The following MACF1 variants were observed in gnomAD, a reference collection of about 807,000 sequenced individuals.
MACF1 encodes microtubule actin crosslinking factor 1, also known as microtubule-actin cross-linking factor 1.
MACF1 carries 193 observed loss-of-function variants against 854.8 expected under a neutral mutation model. The observed-to-expected ratio is 0.23, with a 90% CI of 0.20 to 0.25. MACF1 has a LOEUF of 0.25. Among genes scored for constraint, MACF1 ranks in the 10% least tolerant of loss-of-function variants. The pLI, the probability that MACF1 is intolerant of heterozygous loss-of-function variation, is 1.00. For missense variants in MACF1, 7,722 were observed against 8,929.1 expected (o/e 0.86, Z 5.45); for synonymous variants, 3,185 against 3,226.7 (o/e 0.99, Z 0.44).
At chr1:39,291,179 G>A (rs1170349629) in intron 15 of MACF1, among the ~76,000 whole-genome samples, 2 of 151,934 alleles carry the variant, frequency 1.3e-5, no homozygotes, top group African/African-American at 4.8e-5. Flanking sequence ...GTTTCACCAT[G>A]TTGGCCAGGC....
chr1:39,232,073 T>C lies in MACF1; in HGVS notation c.171+830T>C, dbSNP rs148618954. Among the ~76,000 whole-genome samples the C allele has an allele frequency of 5.2e-3, 775 of 149,026 alleles. 5 individuals are homozygous for C. The highest frequency in any genetic ancestry group is 0.018 in the African/African-American group (739 of 40,916). On this transcript the variant is annotated intron_variant, in intron 2 of 100. Coordinates refer to ENST00000564288, the MANE Select transcript of MACF1 (RefSeq NM_001394062.1). ...GAGGAGAAACCATAACAGAGGCATGTTAAGACTCACCTAAAGATAATAATA... is the reference window on the plus strand; with the variant it reads ...GAGGAGAAACCATAACAGAGGCATGCTAAGACTCACCTAAAGATAATAATA...
At chr1:39,458,595 G>T (rs558271228) in intron 90 of MACF1, 105 bp downstream of exon 90, 346 of 1,415,926 alleles carry the variant, frequency 2.4e-4, no homozygotes, top group Non-Finnish European at 3.0e-4. Flanking sequence ...TTCAAAAACC[G>T]TGTTGGTTTT....
At chr1:39,118,545 T>G (rs1229754478) in intron 2 of MACF1, among the ~76,000 whole-genome samples, 1 of 152,230 alleles carries the variant, frequency 6.6e-6, no homozygotes, top group Non-Finnish European at 1.5e-5. Context: ...TTCTTTACTT[T>G]CCCTGTGGGA....
intron 52 of MACF1, among the ~76,000 whole-genome samples, chr1:39,374,438 A>C (rs915843234): frequency 6.6e-6 from 1 of 152,210 alleles, no homozygotes; most frequent in Non-Finnish European, 1.5e-5. Context: ...GATATTTTGG[A>C]ACTATCCACA....
chr1:39,442,654 T>G, intron 77 of MACF1, 60 bp from the exon 78 acceptor site: 1 of 1,609,908 alleles, frequency 6.2e-7, no homozygotes, highest in Non-Finnish European at 8.5e-7. Flanking sequence ...GTGTATATCT[T>G]AAGAGAACCA....
Position 39,429,897 on chromosome 1 carries a change from T to C in MACF1, c.16959T>C (p.Thr5653=), listed in dbSNP as rs771942810. The C allele has an allele frequency of 6.2e-7, 1 of 1,614,168 alleles. No individual in the cohort carries two copies. Among genetic ancestry groups the C allele is most frequent in the South Asian group, 1.1e-5 (1 of 91,082 alleles). The part of the protein sequence containing the change: ...IKTRYADITV[T]SSKALRTLEQ... Reference sequence around the variant, plus strand: ...CTCGTTACGCAGACATCACAGTTACTAGCTCCAAGGCCCTCAGAACTTTAG... The same window carrying C: ...CTCGTTACGCAGACATCACAGTTACCAGCTCCAAGGCCCTCAGAACTTTAG... The change falls in exon 65 of 101, where the codon ACT becomes ACC. Residue 5653 remains threonine, a synonymous_variant. Coordinates refer to ENST00000564288, the MANE Select transcript of MACF1 (RefSeq NM_001394062.1).
At chr1:39,345,584 C>T (rs1315262458) in intron 40 of MACF1, among the ~76,000 whole-genome samples, 1 of 152,196 alleles carries the variant, frequency 6.6e-6, no homozygotes, top group Non-Finnish European at 1.5e-5. Flanking sequence ...GCACTCCAGC[C>T]TGGGTGACAG....
chr1:39,428,251 A>T lies in MACF1; in HGVS notation c.16767A>T (p.Lys5589Asn), dbSNP rs960919939. Residue 5589 changes from lysine (K) to asparagine (N), a missense_variant, in exon 63 of 101, where the codon AAA (lysine) becomes AAT (asparagine). By Grantham distance (94) the Lys-to-Asn change is moderately conservative. This residue lies in a region of MACF1 where 2,807 missense variants were observed against 3,235.8 expected (regional missense o/e 0.87). Coordinates refer to ENST00000564288, the MANE Select transcript of MACF1 (RefSeq NM_001394062.1). ...KLSSVFVKDF[K>N]QDVLHRQHAD... ...GTTCAGTGTTCGTAAAGGATTTCAA[A>T]CAGGATGTCCTGCACAGGCAGCATG... 6.2e-7 allele frequency: 1 copy of T among 1,613,336 alleles called. No individual in the cohort carries two copies. The highest frequency in any genetic ancestry group is 1.3e-5 in the African/African-American group (1 of 74,928).
Position 39,442,269 on chromosome 1 carries a change from A to G in MACF1, c.18897A>G (p.Thr6299=). ...TDRDIIREPL[T]ELKHLWENLG... ...GAGACATTATACGAGAACCACTGAC[A>G]GAACTCAAACACCTCTGGGAGAACC... The change falls in exon 76 of 101, where the codon ACA becomes ACG. Residue 6299 remains threonine, a synonymous_variant. Coordinates refer to ENST00000564288, the MANE Select transcript of MACF1 (RefSeq NM_001394062.1). 2 of 1,608,960 alleles carry G rather than the reference A, an allele frequency of 1.2e-6. No individual in the cohort carries two copies. Among genetic ancestry groups the G allele is most frequent in the Admixed American group, 1.7e-5 (1 of 58,364 alleles).
chr1:39,325,693 G>C (rs1646596853), intron 35 of MACF1, among the ~76,000 whole-genome samples: 1 of 152,164 alleles, frequency 6.6e-6, no homozygotes. Context: ...CCTTTTTTCT[G>C]AGGTGGAGAT....
intron 1 of MACF1, among the ~76,000 whole-genome samples, chr1:39,209,563 A>G (rs569740052): frequency 2.1e-4 from 32 of 152,300 alleles, no homozygotes; most frequent in African/African-American, 7.7e-4. Flanking sequence ...ACTAGGAGGA[A>G]CAGCCATAAT....
chr1:39,142,704 T>A (rs533247), intron 2 of MACF1, among the ~76,000 whole-genome samples: 15,417 of 152,224 alleles, frequency 0.1, 2,102 homozygotes, highest in African/African-American at 0.31. Context: ...TCATTAGCTA[T>A]CAGAGTGGAA....
chr1:39,333,823 T>C lies in MACF1; in HGVS notation c.7235T>C (p.Ile2412Thr), dbSNP rs774355141. 5.9e-5 allele frequency: 95 copies of C among 1,614,058 alleles called. 3 individuals carry two copies. The South Asian group carries it at 9.4e-4, about 16-fold the overall frequency. ...LERQVVTGGI[I>T]DLKRGKKVSV... Reference sequence around the variant, plus strand: ...AGGCAGGTGGTGACTGGTGGAATTATTGATCTGAAACGAGGCAAAAAAGTT... The same window carrying C: ...AGGCAGGTGGTGACTGGTGGAATTACTGATCTGAAACGAGGCAAAAAAGTT... Residue 2412 changes from isoleucine (I) to threonine (T), a missense_variant, in exon 37 of 101, where the codon ATT becomes ACT. Physicochemically the swap from Ile to Thr is moderately conservative, Grantham distance 89 (BLOSUM62 -1). Around this residue, in one of 15 missense-constraint regions of MACF1, gnomAD observed 1,531 missense variants for 1,601.6 expected, o/e 0.96. Coordinates refer to ENST00000564288, the MANE Select transcript of MACF1 (RefSeq NM_001394062.1).
intron 23 of MACF1, among the ~76,000 whole-genome samples, 180 bp from the exon 24 acceptor site, chr1:39,309,390 G>A (rs1377554229): frequency 1.3e-5 from 2 of 151,822 alleles, no homozygotes; most frequent in Admixed American, 6.6e-5. Context: ...GAGCTACCAC[G>A]CCCAGCCTCA....
chr1:39,315,788 A>T, intron 27 of MACF1, 97 bp downstream of exon 27: 1 of 1,229,830 alleles, frequency 8.1e-7, no homozygotes, highest in Non-Finnish European at 1.1e-6. Context: ...CAGAGAGATT[A>T]TAGATCCTGA....
rs114556513 is a variant in MACF1 at position 39,427,551 on chromosome 1, T to G, written c.16413T>G (p.Leu5471=). 981 of 1,614,070 alleles carry G rather than the reference T, an allele frequency of 6.1e-4. 3 individuals carry two copies. In the African/African-American group the frequency reaches 0.012, roughly 19 times the overall value. ...TCTTATCTGTCACAGAGAAAAAGCT[T>G]GCTAACTCAGAACCTGTTGGCACTC... is the stretch of plus-strand genomic sequence containing the variant. ...SDFLSVTEKK[L]ANSEPVGTQT... Residue 5471 remains leucine, a synonymous_variant, in exon 62 of 101, where the codon CTT becomes CTG. Transcript: ENST00000564288.
intron 70 of MACF1, chr1:39,436,103 C>G: frequency 2.5e-6 from 1 of 398,478 alleles, no homozygotes; most frequent in Non-Finnish European, 4.5e-6. Flanking sequence ...CTTATTGAAC[C>G]TGTTACTTTT....
At position 39,084,494 on chromosome 1, in the gene MACF1, A is replaced by C. The variant is rs1641615775; in HGVS notation, c.220+56A>C. 6.7e-7 allele frequency: 1 copy of C among 1,483,968 alleles called. No individual in the cohort carries two copies. 91.9% of individuals were successfully genotyped at this position (1,483,968 alleles called of 1,614,324 possible). A position where few individuals can be genotyped will look rare whatever the true frequency, so the allele number is the denominator to read the frequency against. Reference sequence around the variant, plus strand: ...TGTGGGTGTGAGGGAGGAATGGGCCAGGGCACAGCAGCTGTGTGGGGAGCC... The same window carrying C: ...TGTGGGTGTGAGGGAGGAATGGGCCCGGGCACAGCAGCTGTGTGGGGAGCC... On this transcript the variant is annotated intron_variant, in intron 2 of 93. Transcript: ENST00000361689. This position sits in a 1 kb window ranked among gnomAD's most constrained non-coding sequence, Gnocchi z 5.2.
At chr1:39,208,345 G>A (rs779848337) in intron 1 of MACF1, among the ~76,000 whole-genome samples, 3 of 151,920 alleles carry the variant, frequency 2.0e-5, no homozygotes, top group Admixed American at 6.6e-5. Context: ...ACTGAAATAC[G>A]AGTTCCTATT....
Sources: allele counts gnomAD v4.1 joint callset (sites outside exome capture counted in the v4.1 genomes callset), GRCh38; gene constraint gnomAD v4.1.1; regional missense constraint gnomAD v4.1.1; non-coding constraint Gnocchi (gnomAD v3.1); transcripts MANE v1.5; gene names NCBI Gene and HGNC (gene_info 2026-07-23, HGNC 2026-07-21).